HIVEP3: variants seen among roughly 807,000 people sequenced by gnomAD.
HIVEP3 encodes the protein transcription factor HIVEP3.
HIVEP3 carries 49 observed loss-of-function variants against 152.8 expected under a neutral mutation model. The ratio of observed to expected loss-of-function variants is 0.32; its 90% confidence interval spans 0.26 to 0.41. The LOEUF (loss-of-function observed/expected upper bound fraction) is 0.41, where lower values mean the gene tolerates loss of function less well. Ranked by LOEUF, HIVEP3 falls within the 10% of genes least tolerant of loss-of-function variation. The probability of loss-of-function intolerance (pLI) is 1.00; values close to 1 mark genes in which losing one functional copy is unlikely to be tolerated. For synonymous variants in HIVEP3, 1,269 were observed against 1,289.0 expected, an observed-to-expected ratio of 0.98 and a Z score of 0.33; for missense variants, 2,790 against 3,103.3, an observed-to-expected ratio of 0.90 and a Z score of 2.40.
intron 1 of HIVEP3, among the ~76,000 whole-genome samples, chr1:41,981,463 A>C (rs1371870466): frequency 6.6e-6 from 1 of 151,200 alleles, no homozygotes; most frequent in East Asian, 2.0e-4. Flanking sequence ...AGGGTGTGTC[A>C]GATCCAGCCT....
At chr1:41,994,658 C>T (rs1570877589) in intron 1 of HIVEP3, among the ~76,000 whole-genome samples, 2 of 152,292 alleles carry the variant, frequency 1.3e-5, no homozygotes, top group South Asian at 2.1e-4. Context: ...AGCCATGCTT[C>T]CTGTTAAGCC....
intron 1 of HIVEP3, among the ~76,000 whole-genome samples, chr1:41,925,816 CCTT>C (rs1487225965): frequency 6.6e-6 from 1 of 152,168 alleles, no homozygotes; most frequent in African/African-American, 2.4e-5. Context: ...TCCCCTCTCC[CCTT>C]CTTAGTAATA....
intron 1 of HIVEP3, among the ~76,000 whole-genome samples, chr1:41,732,935 T>C (rs193013972): frequency 6.6e-6 from 1 of 152,256 alleles, no homozygotes; most frequent in Admixed American, 6.5e-5. Flanking sequence ...CCCCAGGATC[T>C]GGTTCACCCA....
intron 1 of HIVEP3, among the ~76,000 whole-genome samples, chr1:41,830,315 T>C (rs1642923558): frequency 6.6e-6 from 1 of 152,202 alleles, no homozygotes; most frequent in Non-Finnish European, 1.5e-5. Context: ...ATGTGACCAA[T>C]AAATGAATAT....
intron 3 of HIVEP3, among the ~76,000 whole-genome samples, chr1:41,606,428 A>C (rs1644823562): frequency 6.6e-6 from 1 of 151,948 alleles, no homozygotes; most frequent in Admixed American, 6.5e-5. Flanking sequence ...AGTATAATTA[A>C]GTCTACTCTA....
At chr1:41,916,890 C>A (rs939485617) in intron 1 of HIVEP3, among the ~76,000 whole-genome samples, 1 of 152,068 alleles carries the variant, frequency 6.6e-6, no homozygotes, top group Non-Finnish European at 1.5e-5. Context: ...TCTCCTGGGT[C>A]CAACTGTCTC....
chr1:41,936,890 T>G (rs1343439414), intron 1 of HIVEP3, among the ~76,000 whole-genome samples: 4 of 152,182 alleles, frequency 2.6e-5, no homozygotes, highest in Non-Finnish European at 5.9e-5. Flanking sequence ...AAGCCAGGGC[T>G]GTCCTAGGAA....
At chr1:41,546,860 C>T (rs1419383519) in intron 5 of HIVEP3, among the ~76,000 whole-genome samples, 1 of 152,342 alleles carries the variant, frequency 6.6e-6, no homozygotes, top group East Asian at 1.9e-4. Flanking sequence ...ACTTAAAGCA[C>T]GTGTAGTGCC....
chr1:41,555,930 T>C (rs1643959157), intron 5 of HIVEP3, among the ~76,000 whole-genome samples: 1 of 152,204 alleles, frequency 6.6e-6, no homozygotes, highest in South Asian at 2.1e-4. Context: ...CATGGTGTCC[T>C]CAAGGTTCAT....
chr1:41,747,405 G>A (rs4284254), intron 1 of HIVEP3, among the ~76,000 whole-genome samples: 117,930 of 152,178 alleles, frequency 0.77, 51,878 homozygotes, highest in Non-Finnish European at 0.98. Context: ...TACCTCCAAA[G>A]CTACTGGCAA....
intron 1 of HIVEP3, among the ~76,000 whole-genome samples, chr1:42,005,389 CATGTGTATATATATACACACAT>C (rs1164663668): frequency 3.9e-5 from 6 of 152,042 alleles, no homozygotes; most frequent in South Asian, 2.1e-4. Context: ...ATGACACACA[CATGTGTATATATATACACACAT>C]ATGTGTATAT....
chr1:41,827,800 G>A (rs1486121806), intron 1 of HIVEP3, among the ~76,000 whole-genome samples: 1 of 152,080 alleles, frequency 6.6e-6, no homozygotes, highest in African/African-American at 2.4e-5. Context: ...AATTCACTGG[G>A]CAATTTCATC....
intron 2 of HIVEP3, among the ~76,000 whole-genome samples, chr1:41,639,564 A>T (rs527670908): frequency 3.8e-4 from 58 of 152,128 alleles, no homozygotes; most frequent in Non-Finnish European, 6.9e-4. Flanking sequence ...TTATGGTGGG[A>T]CACCTTCCAA....
At chr1:41,933,547 T>C (rs1375848906) in intron 1 of HIVEP3, among the ~76,000 whole-genome samples, 1 of 152,164 alleles carries the variant, frequency 6.6e-6, no homozygotes, top group African/African-American at 2.4e-5. Flanking sequence ...TTTTAACCTA[T>C]CTGTCTTTAT....
intron 1 of HIVEP3, among the ~76,000 whole-genome samples, chr1:41,969,900 G>A (rs1040586428): frequency 2.6e-5 from 4 of 152,136 alleles, no homozygotes; most frequent in Non-Finnish European, 4.4e-5. Context: ...CAAAGGACAT[G>A]AACAGACACT....
At chr1:41,555,269 A>G (rs1643947756) in intron 5 of HIVEP3, among the ~76,000 whole-genome samples, 1 of 152,252 alleles carries the variant, frequency 6.6e-6, no homozygotes, top group Non-Finnish European at 1.5e-5. Flanking sequence ...ATTAGCAGTG[A>G]GCAAGGCTCT....
intron 2 of HIVEP3, among the ~76,000 whole-genome samples, chr1:41,631,773 C>T (rs1221403271): frequency 6.6e-6 from 1 of 152,128 alleles, no homozygotes; most frequent in Non-Finnish European, 1.5e-5. Flanking sequence ...GGGTTTCTAT[C>T]CTCCCTGATC....
intron 5 of HIVEP3, among the ~76,000 whole-genome samples, chr1:41,527,230 T>TC (rs1642995273): frequency 6.1e-5 from 3 of 49,024 alleles, no homozygotes; most frequent in African/African-American, 8.7e-5. Context: ...ACACTCACCC[T>TC]CACACACTCA....
At chr1:41,790,919 G>A (rs974204742) in intron 1 of HIVEP3, among the ~76,000 whole-genome samples, 9 of 152,020 alleles carry the variant, frequency 5.9e-5, no homozygotes, top group Admixed American at 3.3e-4. Flanking sequence ...CCCCACATTG[G>A]TGTATAGACT....
Sources: allele counts gnomAD v4.1 joint callset (sites outside exome capture counted in the v4.1 genomes callset), GRCh38; gene constraint gnomAD v4.1.1; transcripts MANE v1.5; gene names NCBI Gene and HGNC (gene_info 2026-07-23, HGNC 2026-07-21).